The following VAMP4 variants were observed in gnomAD, a reference collection of about 807,000 sequenced individuals.
VAMP4 encodes the protein vesicle-associated membrane protein 4.
Under a neutral mutation model 23.5 loss-of-function variants are expected in VAMP4, and 19 were observed. The ratio of observed to expected loss-of-function variants is 0.81; its 90% CI spans 0.56 to 1.19. The LOEUF is 1.19. Ranked by LOEUF, VAMP4 falls within the 50% of genes most tolerant of loss-of-function variation. The pLI, the probability that VAMP4 is intolerant of heterozygous loss-of-function variation, is 0.00. For missense variants in VAMP4, 145 were observed against 168.6 expected, an observed-to-expected ratio of 0.86 and a Z score of 0.78; for synonymous variants, 31 against 51.0, an observed-to-expected ratio of 0.61 and a Z score of 1.67.
At chr1:171,711,008 T>C (rs1654831108) in intron 4 of VAMP4, among the ~76,000 whole-genome samples, 194 bp from the exon 5 acceptor site, 1 of 152,120 alleles carries the variant, frequency 6.6e-6, no homozygotes, top group Non-Finnish European at 1.5e-5. Flanking sequence ...GACAATATGA[T>C]ATAAATTAAA....
chr1:171,735,852 T>A (rs142314652), intron 2 of VAMP4, among the ~76,000 whole-genome samples: 1 of 152,330 alleles, frequency 6.6e-6, no homozygotes, highest in Non-Finnish European at 1.5e-5. Flanking sequence ...TGAATGGGTT[T>A]AGTATTTCGC....
intron 2 of VAMP4, among the ~76,000 whole-genome samples, chr1:171,729,087 G>C (rs190912167): frequency 2.6e-5 from 4 of 152,266 alleles, no homozygotes; most frequent in Non-Finnish European, 4.4e-5. Context: ...CCAAACAAAA[G>C]CAACTTTAGA....
At position 171,709,660 on chromosome 1, in the gene VAMP4, C is replaced by A. The variant is rs769983219; in HGVS notation, c.345+5G>T. 2.5e-6 allele frequency: 4 copies of A among 1,602,684 alleles called. No individual in the cohort carries two copies. The highest frequency in any genetic ancestry group is 3.4e-6 in the Non-Finnish European group (4 of 1,173,474). Reference sequence around the variant, plus strand: ...AGTCTATCCAGTAGCTTCTGATTTACTTACTTTGCATCCACGCCACCACAT... The same window carrying A: ...AGTCTATCCAGTAGCTTCTGATTTAATTACTTTGCATCCACGCCACCACAT... On this transcript the variant is annotated splice_donor_5th_base_variant and intron_variant, in intron 6 of 7. Coordinates refer to ENST00000236192, the MANE Select transcript of VAMP4 (RefSeq NM_003762.5).
intron 4 of VAMP4, 115 bp downstream of exon 4, chr1:171,719,056 A>T: frequency 1.2e-6 from 1 of 852,192 alleles, no homozygotes; most frequent in Non-Finnish European, 1.8e-6. Flanking sequence ...ATGTTCCAAT[A>T]AAACTTTATT....
At chr1:171,711,242 C>T (rs10798603) in intron 4 of VAMP4, among the ~76,000 whole-genome samples, 53,097 of 151,844 alleles carry the variant, frequency 0.35, 9,703 homozygotes, top group African/African-American at 0.47. Context: ...AAGGAGGTAC[C>T]TTAACATACT....
chr1:171,738,265 G>T, intron 2 of VAMP4, 84 bp downstream of exon 2: 1 of 1,516,344 alleles, frequency 6.6e-7, no homozygotes, highest in Non-Finnish European at 9.1e-7. Flanking sequence ...ACCACGCCCG[G>T]ATGGTTTTTC....
chr1:171,736,930 T>C (rs1191052331), intron 2 of VAMP4, among the ~76,000 whole-genome samples: 2 of 152,148 alleles, frequency 1.3e-5, no homozygotes, highest in African/African-American at 4.8e-5. Context: ...TGAGCTGTGA[T>C]TGCACCACTG....
rs1654501424 is a variant in VAMP4 at position 171,703,024 on chromosome 1, A to T, written c.*1482T>A. The T allele has an allele frequency of 6.6e-6, 1 of 151,964 alleles. No individual in the cohort carries two copies. The highest frequency in any genetic ancestry group is 1.5e-5 in the Non-Finnish European group (1 of 67,842). The allele number at this position is 151,964 out of a possible 1,614,324, so 9.4% of individuals were successfully genotyped here. A position where few individuals can be genotyped will look rare whatever the true frequency, so the allele number is the denominator to read the frequency against. ...ACAGACAAAAAAACACCAAACCCAG[A>T]TTCTATGCTTTATTCATTTTGCATT... is the stretch of plus-strand genomic sequence containing the variant. On this transcript the variant is annotated 3_prime_UTR_variant, in exon 8 of 8. Transcript: ENST00000236192.
At chr1:171,727,026 G>GT (rs1401894972) in intron 3 of VAMP4, among the ~76,000 whole-genome samples, 1 of 151,950 alleles carries the variant, frequency 6.6e-6, no homozygotes, top group East Asian at 1.9e-4. Flanking sequence ...GAGGCCAGGA[G>GT]TTTGAGACCA....
At chr1:171,736,233 C>T (rs1655736642) in intron 2 of VAMP4, among the ~76,000 whole-genome samples, 1 of 152,138 alleles carries the variant, frequency 6.6e-6, no homozygotes, top group African/African-American at 2.4e-5. Flanking sequence ...AATTCCAGCA[C>T]AGGTATATCA....
rs1654399043 is a variant in VAMP4 at position 171,700,674 on chromosome 1, G to A, written c.*3832C>T. ...CAGTCACTCATATTGCTTCTCCAGA[G>A]AGCACTGTGGAGTCACCTCTCACTG... On this transcript the variant is annotated 3_prime_UTR_variant, in exon 8 of 8. Transcript: ENST00000236192. The A allele has an allele frequency of 6.6e-6, 1 of 152,198 alleles. No homozygotes were observed. Among genetic ancestry groups the A allele is most frequent in the South Asian group, 2.1e-4 (1 of 4,832 alleles). 9.4% of individuals were successfully genotyped at this position (152,198 alleles called of 1,614,324 possible).
chr1:171,718,950 G>A (rs1196179082), intron 4 of VAMP4, among the ~76,000 whole-genome samples: 1 of 152,102 alleles, frequency 6.6e-6, no homozygotes, highest in Non-Finnish European at 1.5e-5. Flanking sequence ...GATTTTGTGG[G>A]CCATAAAATG....
At chr1:171,719,799 G>T (rs562755583) in intron 3 of VAMP4, among the ~76,000 whole-genome samples, 1 of 152,054 alleles carries the variant, frequency 6.6e-6, no homozygotes, top group African/African-American at 2.4e-5. Context: ...ACATTACTCA[G>T]ATTATTATCT....
At chr1:171,734,175 C>T (rs969910737) in intron 2 of VAMP4, among the ~76,000 whole-genome samples, 6 of 144,656 alleles carry the variant, frequency 4.1e-5, no homozygotes, top group African/African-American at 1.3e-4. Flanking sequence ...GGCTGAGGCA[C>T]GAAAATCACT....
chr1:171,727,561 T>C (rs1655414791), intron 3 of VAMP4, among the ~76,000 whole-genome samples: 1 of 152,180 alleles, frequency 6.6e-6, no homozygotes. Flanking sequence ...AAAACAATTG[T>C]AAACTTACAC....
intron 1 of VAMP4, among the ~76,000 whole-genome samples, 166 bp from the exon 2 acceptor site, chr1:171,738,629 G>C (rs1010800848): frequency 3.3e-5 from 5 of 152,118 alleles, no homozygotes; most frequent in Non-Finnish European, 5.9e-5. Context: ...CTCCATGCTA[G>C]ACCTCAACAC....
In VAMP4 at chr1:171,738,376, A is replaced by G; in HGVS notation, c.39T>C (p.Asp13=). 6.2e-7 allele frequency: 1 copy of G among 1,613,926 alleles called. No homozygotes were observed. Among genetic ancestry groups the G allele is most frequent in the East Asian group, 2.2e-5 (1 of 44,872 alleles). ...TTTCACTTTTCACAGAACCTGTGACATCATCATCATTGAGGTGGCGCTTAA... is the reference window on the plus strand; with the variant it reads ...TTTCACTTTTCACAGAACCTGTGACGTCATCATCATTGAGGTGGCGCTTAA... ...PKFKRHLNDD[D]VTGSVKSERR... The change falls in exon 2 of 8, where the codon GAT becomes GAC. Residue 13 remains aspartate (D), a synonymous_variant. Coordinates refer to ENST00000236192, the MANE Select transcript of VAMP4 (RefSeq NM_003762.5).
At chr1:171,720,023 T>A (rs538638790) in intron 3 of VAMP4, among the ~76,000 whole-genome samples, 1 of 151,672 alleles carries the variant, frequency 6.6e-6, no homozygotes, top group South Asian at 2.1e-4. Context: ...GATAAAAAAA[T>A]TTTGGAAAAA....
At chr1:171,732,206 G>A (rs899635006) in intron 2 of VAMP4, among the ~76,000 whole-genome samples, 1 of 151,872 alleles carries the variant, frequency 6.6e-6, no homozygotes, top group Non-Finnish European at 1.5e-5. Flanking sequence ...ACCATAATGC[G>A]ATGGAAAAAG....
Sources: gnomAD v4.1 joint callset for allele counts (sites outside exome capture counted in the v4.1 genomes callset) on GRCh38, gnomAD v4.1.1 for gene constraint, MANE v1.5 for transcripts, NCBI Gene and HGNC (gene_info 2026-07-23, HGNC 2026-07-21) for gene names.